MARCHF5: variants seen among roughly 807,000 people sequenced by gnomAD.
MARCHF5 encodes the protein E3 ubiquitin-protein ligase MARCHF5.
A neutral mutation model predicts 36.5 loss-of-function variants in MARCHF5; 5 were observed. The observed-to-expected ratio is 0.14, with a 90% CI of 0.07 to 0.29. The LOEUF is 0.29. Ranked by LOEUF, MARCHF5 falls within the 10% of genes least tolerant of loss-of-function variation. MARCHF5 has a pLI of 1.00. For missense variants in MARCHF5, 179 were observed against 336.3 expected, an observed-to-expected ratio of 0.53 and a Z score of 3.66; for synonymous variants, 103 against 109.9, an observed-to-expected ratio of 0.94 and a Z score of 0.39.
intron 3 of MARCHF5, among the ~76,000 whole-genome samples, chr10:92,344,277 A>T (rs1346539366): frequency 2.0e-5 from 3 of 152,220 alleles, no homozygotes; most frequent in African/African-American, 7.2e-5. Flanking sequence ...ATGTGATAAG[A>T]GGGCAGAAGA....
chr10:92,321,059 A>G (rs142822464), intron 2 of MARCHF5, among the ~76,000 whole-genome samples: 5 of 152,192 alleles, frequency 3.3e-5, no homozygotes, highest in Middle Eastern at 3.4e-3. Flanking sequence ...ACAGTATTCA[A>G]TACAGTAACA....
chr10:92,336,939 G>A (rs989386629), intron 2 of MARCHF5, among the ~76,000 whole-genome samples: 3 of 151,954 alleles, frequency 2.0e-5, no homozygotes, highest in Non-Finnish European at 2.9e-5. Flanking sequence ...CCTAGGCAAC[G>A]TGGCAAAACC....
chr10:92,329,725 C>T (rs776644310), intron 2 of MARCHF5, among the ~76,000 whole-genome samples: 44 of 152,144 alleles, frequency 2.9e-4, no homozygotes, highest in Non-Finnish European at 4.9e-4. Flanking sequence ...TTTCTTTTTA[C>T]TTTGCTATAT....
intron 2 of MARCHF5, among the ~76,000 whole-genome samples, chr10:92,322,496 G>T (rs1430183100): frequency 6.9e-6 from 1 of 145,344 alleles, no homozygotes; most frequent in Admixed American, 7.0e-5. Context: ...CTGGGATGCA[G>T]TGGCACAATC....
intron 1 of MARCHF5, among the ~76,000 whole-genome samples, chr10:92,295,500 T>G (rs1842939887): frequency 6.7e-6 from 1 of 150,108 alleles, no homozygotes; most frequent in Admixed American, 6.6e-5. Context: ...CTGTGCCTCT[T>G]GGGTTCACGC....
At chr10:92,302,136 G>T (rs1843023006) in intron 1 of MARCHF5, among the ~76,000 whole-genome samples, 1 of 152,080 alleles carries the variant, frequency 6.6e-6, no homozygotes, top group African/African-American at 2.4e-5. Flanking sequence ...TAATAACAAG[G>T]AAAAGTCCCT....
At chr10:92,326,603 G>T (rs1843363435) in intron 2 of MARCHF5, among the ~76,000 whole-genome samples, 1 of 152,134 alleles carries the variant, frequency 6.6e-6, no homozygotes, top group South Asian at 2.1e-4. Flanking sequence ...AAAATTTTAT[G>T]AGTTGGTACC....
At chr10:92,291,690 G>A in intron 1 of MARCHF5, 161 bp downstream of exon 1, 1 of 682,356 alleles carries the variant, frequency 1.5e-6, no homozygotes, top group Non-Finnish European at 1.8e-6. Flanking sequence ...CTAGACCTGG[G>A]GGAGGACAGA....
chr10:92,341,847 G>T (rs1397793011), intron 3 of MARCHF5, among the ~76,000 whole-genome samples: 1 of 141,022 alleles, frequency 7.1e-6, no homozygotes, highest in African/African-American at 2.6e-5. Flanking sequence ...TGGGCATGTG[G>T]TGGCACAGTC....
At chr10:92,331,177 G>A (rs186763016) in intron 2 of MARCHF5, among the ~76,000 whole-genome samples, 1 of 152,134 alleles carries the variant, frequency 6.6e-6, no homozygotes, top group African/African-American at 2.4e-5. Flanking sequence ...GCTGCCAGCT[G>A]TTTTTATGTG....
At position 92,347,511 on chromosome 10, in the gene MARCHF5, TAGATAGATAGATGATAGATATATA is replaced by T. The variant is rs1211957697; in HGVS notation, c.370-1837_370-1814del. On this transcript the variant is annotated intron_variant, in intron 3 of 5. Transcript: ENST00000358935. ...ATAGATAGATAGATAGATAGATAGA[TAGATAGATAGATGATAGATATATA>T]GATAGATAGATAGATAGATAGATAA... Among the ~76,000 whole-genome samples, 625 of 101,442 alleles carry T rather than the reference TAGATAGATAGATGATAGATATATA, an allele frequency of 6.2e-3. 16 individuals are homozygous for T. Among genetic ancestry groups the T allele is most frequent in the African/African-American group, 0.021 (553 of 26,926 alleles). The allele number at this position is 101,442 out of a possible 152,430, so 66.5% of individuals were successfully genotyped here.
chr10:92,323,794 C>G (rs1222518451), intron 2 of MARCHF5, among the ~76,000 whole-genome samples: 1 of 152,160 alleles, frequency 6.6e-6, no homozygotes, highest in Non-Finnish European at 1.5e-5. Context: ...CACAGTTTAT[C>G]CATTCATGTA....
At chr10:92,337,050 A>G (rs1843510612) in intron 2 of MARCHF5, among the ~76,000 whole-genome samples, 1 of 151,348 alleles carries the variant, frequency 6.6e-6, no homozygotes, top group Non-Finnish European at 1.5e-5. Context: ...TGAGCCCAGG[A>G]GGCGGAAATT....
intron 3 of MARCHF5, among the ~76,000 whole-genome samples, chr10:92,347,523 T>TA (rs58664499): frequency 0.35 from 29,845 of 84,572 alleles, 3,740 homozygotes; most frequent in South Asian, 0.45. Context: ...GATAGATAGA[T>TA]GATAGATATA....
chr10:92,303,722 T>A (rs1321543751), intron 1 of MARCHF5, among the ~76,000 whole-genome samples: 1 of 152,226 alleles, frequency 6.6e-6, no homozygotes, highest in Non-Finnish European at 1.5e-5. Context: ...TTTTACTGTT[T>A]ACTCTTTATT....
At chr10:92,297,781 C>T (rs1040376144) in intron 1 of MARCHF5, among the ~76,000 whole-genome samples, 4 of 152,162 alleles carry the variant, frequency 2.6e-5, no homozygotes, top group African/African-American at 7.2e-5. Context: ...TGAGCCGCCA[C>T]ACCTGGCCTT....
At chr10:92,300,404 G>T (rs1193487129) in intron 1 of MARCHF5, among the ~76,000 whole-genome samples, 1 of 151,034 alleles carries the variant, frequency 6.6e-6, no homozygotes, top group Non-Finnish European at 1.5e-5. Flanking sequence ...GAGATGGGAG[G>T]ATCACCTGAG....
intron 3 of MARCHF5, among the ~76,000 whole-genome samples, chr10:92,341,544 GACTCTTC>G (rs1564953318): frequency 1.3e-5 from 2 of 152,142 alleles, no homozygotes; most frequent in Non-Finnish European, 2.9e-5. Flanking sequence ...CCAAGCCGTT[GACTCTTC>G]TTTTTATACC....
intron 2 of MARCHF5, among the ~76,000 whole-genome samples, chr10:92,322,640 G>T (rs1346057498): frequency 6.7e-6 from 1 of 150,222 alleles, no homozygotes; most frequent in Non-Finnish European, 1.5e-5. Flanking sequence ...ATAGTGACAG[G>T]GTTTTGCCAT....
Sources: allele counts gnomAD v4.1 joint callset (sites outside exome capture counted in the v4.1 genomes callset), GRCh38; gene constraint gnomAD v4.1.1; transcripts MANE v1.5; gene names NCBI Gene and HGNC (gene_info 2026-07-23, HGNC 2026-07-21).